Variants in MOB3B observed in about 807,000 individuals in gnomAD.
MOB3B encodes the protein MOB kinase activator 3B, also known as MOB kinase activator-like 2B.
MOB3B carries 7 observed loss-of-function variants against 18.7 expected under a neutral mutation model. The ratio of observed to expected loss-of-function variants is 0.37; its 90% CI spans 0.21 to 0.70. The LOEUF is 0.70. MOB3B is among the 30% of genes least tolerant of loss of function. The pLI is 0.52. For missense variants in MOB3B, 253 were observed against 281.3 expected (o/e 0.90, Z 0.72); for synonymous variants, 111 against 99.9 (o/e 1.11, Z -0.66).
intron 2 of MOB3B, among the ~76,000 whole-genome samples, chr9:27,383,965 C>A (rs994439703): frequency 6.6e-6 from 1 of 152,138 alleles, no homozygotes; most frequent in Non-Finnish European, 1.5e-5. Context: ...TACTCAAGCC[C>A]CTTCCAGGAA....
At chr9:27,380,772 G>A (rs943067482) in intron 2 of MOB3B, among the ~76,000 whole-genome samples, 2 of 137,006 alleles carry the variant, frequency 1.5e-5, no homozygotes, top group Non-Finnish European at 3.1e-5. Flanking sequence ...TCCCCCACCT[G>A]CCCACCACCC....
intron 2 of MOB3B, among the ~76,000 whole-genome samples, chr9:27,410,854 C>T (rs766033345): frequency 1.3e-5 from 2 of 152,162 alleles, no homozygotes. Context: ...CTCTATATAG[C>T]TATATGAATC....
intron 2 of MOB3B, among the ~76,000 whole-genome samples, chr9:27,436,874 G>C (rs989051153): frequency 6.6e-6 from 1 of 151,942 alleles, no homozygotes; most frequent in Admixed American, 6.6e-5. Context: ...AAATTTGAGC[G>C]GGGATCTGAA....
chr9:27,381,428 G>C (rs1018792766), intron 2 of MOB3B, among the ~76,000 whole-genome samples: 4 of 152,058 alleles, frequency 2.6e-5, no homozygotes, highest in Admixed American at 1.3e-4. Context: ...TCTGCCAAAA[G>C]ACTGAGAAGC....
chr9:27,481,517 T>G (rs1169496919), intron 1 of MOB3B, among the ~76,000 whole-genome samples: 26 of 138,974 alleles, frequency 1.9e-4, no homozygotes, highest in Non-Finnish European at 3.3e-4. Flanking sequence ...TTTTGTTTTT[T>G]TTGTTTTTTT....
intron 2 of MOB3B, among the ~76,000 whole-genome samples, chr9:27,415,702 C>A (rs2131406063): frequency 6.6e-6 from 1 of 152,258 alleles, no homozygotes; most frequent in Middle Eastern, 3.4e-3. Flanking sequence ...TTTCTCACTT[C>A]CAAATGGAAA....
chr9:27,479,935 T>C (rs1354881138), intron 1 of MOB3B, among the ~76,000 whole-genome samples: 2 of 152,038 alleles, frequency 1.3e-5, no homozygotes, highest in Non-Finnish European at 2.9e-5. Flanking sequence ...TACGTATCTA[T>C]AGTCCTAGCT....
chr9:27,392,757 T>C (rs1343401770), intron 2 of MOB3B, among the ~76,000 whole-genome samples: 1 of 152,216 alleles, frequency 6.6e-6, no homozygotes, highest in Non-Finnish European at 1.5e-5. Flanking sequence ...GCTCTTCCTC[T>C]TGCTAGCTGT....
At chr9:27,394,303 C>A (rs1014898572) in intron 2 of MOB3B, 1 of 152,078 alleles carries the variant, frequency 6.6e-6, no homozygotes, top group African/African-American at 2.4e-5. Context: ...TGTCATGTTA[C>A]ACGGCTTTGC....
chr9:27,455,267 T>A lies in MOB3B; in HGVS notation c.284A>T (p.Lys95Ile). ...ATCATCCTGCCACCGATACTCATAT[T>A]TGGGGCCCCCTGACATCACAGGACA... ...RTCPVMSGGP[K>I]YEYRWQDDLK... Residue 95 changes from lysine (K) to isoleucine (I), a missense_variant, in exon 2 of 4, where the codon AAA becomes ATA. Lys to Ile is a moderately radical substitution (Grantham distance 102). Transcript: ENST00000262244. The A allele has an allele frequency of 6.2e-7, 1 of 1,614,104 alleles. No individual in the cohort carries two copies.
At chr9:27,507,370 T>C (rs1383631883) in intron 1 of MOB3B, among the ~76,000 whole-genome samples, 1 of 152,198 alleles carries the variant, frequency 6.6e-6, no homozygotes, top group Non-Finnish European at 1.5e-5. Flanking sequence ...GTCTTGTTAT[T>C]GTCATATTGT....
intron 1 of MOB3B, among the ~76,000 whole-genome samples, chr9:27,522,377 G>C (rs1253152420): frequency 1.2e-4 from 18 of 147,614 alleles, no homozygotes; most frequent in Non-Finnish European, 3.0e-5. Flanking sequence ...TCCAGTTAGA[G>C]ATAGTGACTC....
chr9:27,415,643 C>T (rs893645608), intron 2 of MOB3B, among the ~76,000 whole-genome samples: 3 of 152,128 alleles, frequency 2.0e-5, no homozygotes, highest in African/African-American at 7.2e-5. Flanking sequence ...TTAATTGTCT[C>T]AACAGGCTAG....
At chr9:27,466,928 C>A (rs960837882) in intron 1 of MOB3B, among the ~76,000 whole-genome samples, 3 of 152,060 alleles carry the variant, frequency 2.0e-5, no homozygotes, top group Non-Finnish European at 2.9e-5. Flanking sequence ...TTATCAGAAT[C>A]CAGAGATCCT....
chr9:27,490,665 T>A lies in MOB3B; in HGVS notation c.-198-34917A>T, dbSNP rs1004429895. 2.6e-5 allele frequency among the ~76,000 whole-genome samples: 4 copies of A among 152,254 alleles called. No individual in the cohort carries two copies. The East Asian group carries it at 7.7e-4, about 29-fold the overall frequency. ...TAAGGAGTGGGAGAGGAGGTCCAGATGGGTTCCTTGACTTGCCGTAAGGTC... is the reference window on the plus strand; with the variant it reads ...TAAGGAGTGGGAGAGGAGGTCCAGAAGGGTTCCTTGACTTGCCGTAAGGTC... On this transcript the variant is annotated intron_variant, in intron 1 of 3. Coordinates refer to ENST00000262244, the MANE Select transcript of MOB3B (RefSeq NM_024761.5).
intron 3 of MOB3B, among the ~76,000 whole-genome samples, chr9:27,345,214 C>T (rs1434294984): frequency 6.6e-6 from 1 of 152,028 alleles, no homozygotes; most frequent in Non-Finnish European, 1.5e-5. Context: ...GCTTTCAGGA[C>T]AAGGGAAAAC....
At chr9:27,380,084 G>C (rs547021846) in intron 2 of MOB3B, among the ~76,000 whole-genome samples, 1 of 152,124 alleles carries the variant, frequency 6.6e-6, no homozygotes, top group East Asian at 1.9e-4. Flanking sequence ...GGAAAAGCTG[G>C]ATCAACCCCT....
At chr9:27,497,854 C>A (rs1819923101) in intron 1 of MOB3B, among the ~76,000 whole-genome samples, 2 of 152,320 alleles carry the variant, frequency 1.3e-5, no homozygotes. Context: ...CTACCAACTA[C>A]CTCCAGTTTC....
chr9:27,510,557 C>T (rs1254320634), intron 1 of MOB3B, among the ~76,000 whole-genome samples: 1 of 152,086 alleles, frequency 6.6e-6, no homozygotes, highest in Non-Finnish European at 1.5e-5. Context: ...TTAACAGGTG[C>T]CTTGCTGCAA....
Sources: gnomAD v4.1 joint callset for allele counts (sites outside exome capture counted in the v4.1 genomes callset) on GRCh38, gnomAD v4.1.1 for gene constraint, MANE v1.5 for transcripts, NCBI Gene and HGNC (gene_info 2026-07-23, HGNC 2026-07-21) for gene names.